Variants in CHODL observed in about 807,000 individuals in gnomAD.
The protein encoded by CHODL is chondrolectin, also known as transmembrane protein MT75.
A neutral mutation model predicts 34.5 loss-of-function variants in CHODL; 29 were observed. The observed-to-expected ratio is 0.84, with a 90% CI of 0.63 to 1.15. The LOEUF is 1.15. CHODL is among the 50% of genes most tolerant of loss of function. The pLI, the probability that CHODL is intolerant of heterozygous loss-of-function variation, is 0.00. For missense variants in CHODL, 332 were observed against 332.5 expected, an observed-to-expected ratio of 1.00 and a Z score of 0.01; for synonymous variants, 125 against 116.1, an observed-to-expected ratio of 1.08 and a Z score of -0.49.
intron 2 of CHODL, among the ~76,000 whole-genome samples, chr21:18,181,551 C>G (rs1034978404): frequency 6.6e-6 from 1 of 152,144 alleles, no homozygotes; most frequent in Non-Finnish European, 1.5e-5. Flanking sequence ...TACAGGCGCC[C>G]GCCACCACGC....
intron 2 of CHODL, among the ~76,000 whole-genome samples, chr21:18,060,791 T>A (rs1205057670): frequency 1.3e-5 from 2 of 151,072 alleles, no homozygotes; most frequent in African/African-American, 2.4e-5. Context: ...TGAAGAAACC[T>A]CTGAAATGGA....
intron 1 of CHODL, among the ~76,000 whole-genome samples, chr21:18,025,582 A>T (rs1260173608): frequency 1.3e-5 from 2 of 152,148 alleles, no homozygotes; most frequent in Non-Finnish European, 2.9e-5. Context: ...TCAAGATATG[A>T]CATAATTTAT....
In CHODL at chr21:18,265,985, T is replaced by C. The variant is rs769361538; in HGVS notation, c.769T>C (p.Ser257Pro). ...KGRTKTSPNQ[S>P]TLWISKSTRK... ...AAGAACAAAAACTAGTCCAAACCAG[T>C]CTACACTGTGGATTTCAAAGAGTAC... Residue 257 changes from serine (S) to proline (P), a missense_variant, in exon 6 of 6, where the codon TCT becomes CCT. By Grantham distance (74) the Ser-to-Pro change is moderately conservative. Transcript: ENST00000299295. 6.2e-7 allele frequency: 1 copy of C among 1,613,538 alleles called. No homozygotes were observed.
At position 18,267,194 on chromosome 21, in the gene CHODL, C is replaced by T. The variant is rs559424912; in HGVS notation, c.*1156C>T. 10 of 151,660 alleles carry T rather than the reference C, an allele frequency of 6.6e-5. No individual in the cohort carries two copies. In the South Asian group the frequency reaches 1.5e-3, roughly 22 times the overall value. The allele number at this position is 151,660 out of a possible 1,614,324, so 9.4% of individuals were successfully genotyped here. A position where few individuals can be genotyped will look rare whatever the true frequency, so the allele number is the denominator to read the frequency against. ...AAATGGGTTGGAACCCATCAGTGATCGCATATTCATTGATGAGGGTTTGCT... is the reference window on the plus strand; with the variant it reads ...AAATGGGTTGGAACCCATCAGTGATTGCATATTCATTGATGAGGGTTTGCT... On this transcript the variant is annotated 3_prime_UTR_variant, in exon 6 of 6. Transcript: ENST00000299295.
intron 2 of CHODL, among the ~76,000 whole-genome samples, chr21:18,110,120 T>G (rs1340327026): frequency 6.6e-6 from 1 of 152,188 alleles, no homozygotes; most frequent in East Asian, 1.9e-4. Flanking sequence ...TGCTATTATT[T>G]GAATTTTCCT....
intron 2 of CHODL, among the ~76,000 whole-genome samples, chr21:18,180,461 T>C (rs2073368817): frequency 6.6e-6 from 1 of 152,204 alleles, no homozygotes; most frequent in South Asian, 2.1e-4. Context: ...GGTAACATCT[T>C]AAGACAAAGC....
intron 2 of CHODL, among the ~76,000 whole-genome samples, chr21:18,122,875 T>C (rs2065497079): frequency 6.6e-6 from 1 of 152,242 alleles, no homozygotes; most frequent in Admixed American, 6.5e-5. Context: ...TATCGTTTGA[T>C]GTAAAGCAAC....
chr21:18,172,407 AC>A (rs2073243059), intron 2 of CHODL, among the ~76,000 whole-genome samples: 1 of 152,070 alleles, frequency 6.6e-6, no homozygotes, highest in South Asian at 2.1e-4. Context: ...ACAGTTCTAA[AC>A]CTCTTTTGCC....
intron 2 of CHODL, among the ~76,000 whole-genome samples, chr21:18,194,982 AT>A (rs2073565761): frequency 6.6e-6 from 1 of 151,810 alleles, no homozygotes; most frequent in African/African-American, 2.4e-5. Context: ...AAATCTACTC[AT>A]TTTGCAATTT....
At chr21:18,015,011 G>A (rs1038789753) in intron 1 of CHODL, among the ~76,000 whole-genome samples, 17 of 152,276 alleles carry the variant, frequency 1.1e-4, no homozygotes, top group Admixed American at 2.6e-4. Flanking sequence ...TAGAAGACAG[G>A]CATATGAGGA....
intron 2 of CHODL, among the ~76,000 whole-genome samples, chr21:18,037,996 G>A (rs1285827004): frequency 1.3e-5 from 2 of 151,484 alleles, no homozygotes; most frequent in Admixed American, 1.3e-4. Flanking sequence ...TTTATAACTG[G>A]TTTTAAGCAA....
chr21:17,949,816 A>T (rs1469455182), intron 1 of CHODL, among the ~76,000 whole-genome samples: 6 of 152,152 alleles, frequency 3.9e-5, no homozygotes, highest in African/African-American at 1.4e-4. Flanking sequence ...ATTGTTTCTT[A>T]TATCTGAGAT....
At chr21:18,099,108 G>T (rs527256255) in intron 2 of CHODL, among the ~76,000 whole-genome samples, 1 of 151,960 alleles carries the variant, frequency 6.6e-6, no homozygotes, top group East Asian at 1.9e-4. Flanking sequence ...GACTGTAGGG[G>T]TTGGGGTTGG....
intron 1 of CHODL, among the ~76,000 whole-genome samples, chr21:18,256,187 C>T (rs973506689): frequency 4.6e-5 from 7 of 151,930 alleles, no homozygotes; most frequent in African/African-American, 1.7e-4. Flanking sequence ...TTACTATACA[C>T]TCCTGAAATT....
Position 18,171,198 on chromosome 21 carries a change from G to GTTTTTTTTTTTTTTTTTTTTTTT in CHODL, c.-44-85292_-44-85291insTTTTTTTTTTTTTTTTTTTTTTT, listed in dbSNP as rs1177005708. 5.4e-5 allele frequency among the ~76,000 whole-genome samples: 2 copies of GTTTTTTTTTTTTTTTTTTTTTTT among 37,082 alleles called. 1 individual carries two copies. Among genetic ancestry groups the GTTTTTTTTTTTTTTTTTTTTTTT allele is most frequent in the Non-Finnish European group, 7.9e-5 (2 of 25,240 alleles). 24.3% of individuals were successfully genotyped at this position (37,082 alleles called of 152,430 possible). A position where few individuals can be genotyped will look rare whatever the true frequency, so the allele number is the denominator to read the frequency against. ...TGTTCTTCAGACATGGTTTTCTTTAGTTTTTTTTTTTTTTTTTTTGAGACG... is the reference window on the plus strand; with the variant it reads ...TGTTCTTCAGACATGGTTTTCTTTAGTTTTTTTTTTTTTTTTTTTTTTTTTTTTTTTTTTTTTTTTTTGAGACG... On this transcript the variant is annotated intron_variant, in intron 2 of 6. Coordinates refer to the CHODL transcript ENST00000400127.
At chr21:17,997,037 T>C (rs971490650) in intron 1 of CHODL, among the ~76,000 whole-genome samples, 3 of 152,196 alleles carry the variant, frequency 2.0e-5, no homozygotes, top group South Asian at 2.1e-4. Context: ...AAAATCACTT[T>C]TGTCACCAGA....
At chr21:18,030,888 G>A (rs766566564) in intron 2 of CHODL, among the ~76,000 whole-genome samples, 5 of 152,122 alleles carry the variant, frequency 3.3e-5, no homozygotes, top group Non-Finnish European at 7.4e-5. Context: ...ATGTAGCAGG[G>A]TGGCTTTTTC....
At chr21:17,991,291 A>T (rs1372970311) in intron 1 of CHODL, among the ~76,000 whole-genome samples, 1 of 152,050 alleles carries the variant, frequency 6.6e-6, no homozygotes, top group Non-Finnish European at 1.5e-5. Flanking sequence ...TCTTTGATAT[A>T]CTGATTTCCT....
intron 1 of CHODL, among the ~76,000 whole-genome samples, chr21:17,928,606 T>C (rs1465369109): frequency 6.6e-6 from 1 of 152,120 alleles, no homozygotes; most frequent in Non-Finnish European, 1.5e-5. Flanking sequence ...GAAAAGTGAT[T>C]AGGTTTTTAG....
Sources: allele counts gnomAD v4.1 joint callset (sites outside exome capture counted in the v4.1 genomes callset), GRCh38; gene constraint gnomAD v4.1.1; transcripts MANE v1.5; gene names NCBI Gene and HGNC (gene_info 2026-07-23, HGNC 2026-07-21).